Variants in GPHN observed in about 807,000 individuals in gnomAD.
GPHN encodes the protein gephyrin.
Under a neutral mutation model 95.5 loss-of-function variants are expected in GPHN, and 17 were observed. The ratio of observed to expected loss-of-function variants is 0.18; its 90% CI spans 0.12 to 0.27. The LOEUF (loss-of-function observed/expected upper bound fraction) is 0.27. GPHN is among the 10% of genes least tolerant of loss of function. The pLI is 1.00. For missense variants in GPHN, 660 were observed against 978.1 expected (o/e 0.67, Z 4.34); for synonymous variants, 320 against 322.5 (o/e 0.99, Z 0.08).
the GPHN span, chr14:67,727,197 C>T: frequency 1.3e-5 from 21 of 1,607,878 alleles, no homozygotes; most frequent in Admixed American, 3.0e-4. Flanking sequence ...CAAGGTAAGT[C>T]TGGAGAAAGA....
chr14:66,755,922 G>A (rs994917678), intron 2 of GPHN, among the ~76,000 whole-genome samples: 1 of 152,120 alleles, frequency 6.6e-6, no homozygotes, highest in Non-Finnish European at 1.5e-5. Context: ...CAATCCACTT[G>A]TCCTGACTTT....
intron 4 of GPHN, among the ~76,000 whole-genome samples, chr14:66,866,149 C>G (rs2063213290): frequency 6.6e-6 from 1 of 152,114 alleles, no homozygotes; most frequent in Non-Finnish European, 1.5e-5. Context: ...AAAACAATCC[C>G]AATCCTAGGG....
rs529531762 is a variant in GPHN, at chr14:67,021,391, T to C, written c.964-2242T>C. 5.7e-4 allele frequency among the ~76,000 whole-genome samples: 87 copies of C among 152,260 alleles called. 1 individual carries two copies. The highest frequency in any genetic ancestry group is 3.3e-3 in the Admixed American group (50 of 15,288). ...TTGATAAACGCTCAGATTCAGGGAA[T>C]TGAATTGTTTTCATCATCCAAATTT... On this transcript the variant is annotated intron_variant, in intron 9 of 22. Coordinates refer to ENST00000478722, the MANE Select transcript of GPHN (RefSeq NM_020806.5).
chr14:67,114,365 T>A (rs141176294), intron 16 of GPHN, among the ~76,000 whole-genome samples: 1 of 152,138 alleles, frequency 6.6e-6, no homozygotes, highest in Non-Finnish European at 1.5e-5. Context: ...GTGCAACAAG[T>A]AAGTTCATGG....
the GPHN span, chr14:67,386,962 C>G: frequency 6.3e-6 from 1 of 157,496 alleles, no homozygotes; most frequent in East Asian, 1.9e-4. Flanking sequence ...TTTACTAATT[C>G]CAAAGAAGTT....
the GPHN span, among the ~76,000 whole-genome samples, chr14:67,552,568 C>T: frequency 6.6e-6 from 1 of 152,024 alleles, no homozygotes; most frequent in African/African-American, 2.4e-5. Context: ...GAGATCGAGA[C>T]CATCTTGGCT....
At chr14:67,044,366 A>G (rs960820448) in intron 10 of GPHN, among the ~76,000 whole-genome samples, 12 of 151,952 alleles carry the variant, frequency 7.9e-5, no homozygotes, top group African/African-American at 2.7e-4. Context: ...AACAATAATA[A>G]TTTGCTCACT....
At chr14:66,697,619 T>G (rs1013178984) in intron 2 of GPHN, among the ~76,000 whole-genome samples, 1 of 151,938 alleles carries the variant, frequency 6.6e-6, no homozygotes, top group African/African-American at 2.4e-5. Flanking sequence ...AATCTAGGGG[T>G]TGGCAAACTA....
In GPHN at chr14:66,690,740, C is replaced by A. The variant is rs111427881; in HGVS notation, c.143+9555C>A. Among the ~76,000 whole-genome samples the A allele has an allele frequency of 3.6e-3, 554 of 152,204 alleles. 12 individuals are homozygous for A. The highest frequency in any genetic ancestry group is 0.013 in the African/African-American group (528 of 41,528). On this transcript the variant is annotated intron_variant, in intron 2 of 22. Coordinates refer to ENST00000478722, the MANE Select transcript of GPHN (RefSeq NM_020806.5). ...GTTATCTCCTTTACTGAATTAATAT[C>A]TTTATCATTATGTAATGACCTTCTT... is the stretch of plus-strand genomic sequence containing the variant.
chr14:66,717,877 C>T (rs771715195), intron 2 of GPHN, among the ~76,000 whole-genome samples: 10 of 152,134 alleles, frequency 6.6e-5, no homozygotes, highest in Non-Finnish European at 8.8e-5. Context: ...GTCTCTCAGC[C>T]GTGGATACCA....
chr14:67,112,619 C>T (rs931022697), intron 15 of GPHN, among the ~76,000 whole-genome samples: 2 of 152,114 alleles, frequency 1.3e-5, no homozygotes, highest in African/African-American at 4.8e-5. Context: ...CAGCTGTGGA[C>T]CTCTTATCAT....
At chr14:67,343,378 C>T in the GPHN span, 1 of 1,611,556 alleles carries the variant, frequency 6.2e-7, no homozygotes, top group Non-Finnish European at 8.5e-7. Context: ...TCACCATGTT[C>T]AATGGCATTT....
At chr14:67,717,338 T>C in the GPHN span, among the ~76,000 whole-genome samples, 1 of 152,192 alleles carries the variant, frequency 6.6e-6, no homozygotes, top group Non-Finnish European at 1.5e-5. Flanking sequence ...CATTGTAGAC[T>C]AATGGAGTGA....
At chr14:67,214,811 T>G in the GPHN span, among the ~76,000 whole-genome samples, 1 of 152,208 alleles carries the variant, frequency 6.6e-6, no homozygotes, top group African/African-American at 2.4e-5. Flanking sequence ...TGGAATGTTC[T>G]TCCATTTATT....
At chr14:67,254,938 CAA>C in the GPHN span, among the ~76,000 whole-genome samples, 1 of 152,178 alleles carries the variant, frequency 6.6e-6, no homozygotes, top group South Asian at 2.1e-4. Context: ...ATCACGAGGT[CAA>C]GAGATTGAGA....
the GPHN span, among the ~76,000 whole-genome samples, chr14:67,422,406 C>T: frequency 2.6e-5 from 4 of 152,150 alleles, no homozygotes; most frequent in African/African-American, 7.2e-5. Flanking sequence ...AGCATATGGC[C>T]GAGGACCTGT....
At chr14:66,759,125 C>T (rs1397069165) in intron 2 of GPHN, among the ~76,000 whole-genome samples, 1 of 152,170 alleles carries the variant, frequency 6.6e-6, no homozygotes, top group African/African-American at 2.4e-5. Context: ...TTTGATGGAA[C>T]TCTGTTCCAC....
At chr14:67,580,110 G>C in the GPHN span, 1 of 486,464 alleles carries the variant, frequency 2.1e-6, no homozygotes, top group East Asian at 3.6e-5. Flanking sequence ...TACTTCCCTC[G>C]AGTGGCTGTG....
chr14:67,263,543 C>T, the GPHN span, among the ~76,000 whole-genome samples: 1 of 152,180 alleles, frequency 6.6e-6, no homozygotes, highest in Non-Finnish European at 1.5e-5. Flanking sequence ...TAAAGATTTT[C>T]CCTCTCTTCT....
Sources: allele counts gnomAD v4.1 joint callset (sites outside exome capture counted in the v4.1 genomes callset), GRCh38; gene constraint gnomAD v4.1.1; transcripts MANE v1.5; gene names NCBI Gene and HGNC (gene_info 2026-07-23, HGNC 2026-07-21).